TAS2R1: variants seen among roughly 807,000 people sequenced by gnomAD.
The protein encoded by TAS2R1 is taste receptor type 2 member 1.
For missense variants in TAS2R1, 370 were observed against 353.4 expected, an observed-to-expected ratio of 1.05 and a Z score of -0.38; for synonymous variants, 141 against 134.2, an observed-to-expected ratio of 1.05 and a Z score of -0.35.
intron 1 of TAS2R1, among the ~76,000 whole-genome samples, chr5:9,681,161 G>A (rs1740988194): frequency 6.6e-6 from 1 of 152,006 alleles, no homozygotes; most frequent in Non-Finnish European, 1.5e-5. Context: ...AGGACACTAG[G>A]TATAAATGAA....
the TAS2R1 span, among the ~76,000 whole-genome samples, chr5:9,762,090 T>C: frequency 1.3e-5 from 2 of 152,244 alleles, no homozygotes; most frequent in East Asian, 1.9e-4. Flanking sequence ...TCCTCTTTAT[T>C]ACAAGAACAT....
intron 2 of TAS2R1, among the ~76,000 whole-genome samples, chr5:9,656,830 A>C (rs985203897): frequency 3.9e-5 from 6 of 152,342 alleles, no homozygotes; most frequent in Admixed American, 3.9e-4. Context: ...TTCAGTCTTG[A>C]ACAATGTTTT....
chr5:9,655,219 T>C (rs1236743262), intron 2 of TAS2R1, among the ~76,000 whole-genome samples: 1 of 152,226 alleles, frequency 6.6e-6, no homozygotes, highest in Non-Finnish European at 1.5e-5. Flanking sequence ...GTTCTACATT[T>C]TGATTGTAAT....
At chr5:9,656,682 T>A (rs1359066948) in intron 2 of TAS2R1, among the ~76,000 whole-genome samples, 1 of 152,142 alleles carries the variant, frequency 6.6e-6, no homozygotes, top group African/African-American at 2.4e-5. Flanking sequence ...CACAGACACA[T>A]CCAGAAATAA....
At chr5:9,808,372 T>C in the TAS2R1 span, among the ~76,000 whole-genome samples, 2 of 151,854 alleles carry the variant, frequency 1.3e-5, no homozygotes, top group Non-Finnish European at 2.9e-5. Flanking sequence ...CTGAGCAAAG[T>C]GTTGAAAGAG....
At chr5:9,805,998 C>T in the TAS2R1 span, among the ~76,000 whole-genome samples, 18 of 152,174 alleles carry the variant, frequency 1.2e-4, no homozygotes, top group Admixed American at 1.1e-3. Flanking sequence ...CTAGAAAACT[C>T]TAAAGACTCA....
the TAS2R1 span, among the ~76,000 whole-genome samples, chr5:9,777,059 G>T: frequency 2.0e-5 from 3 of 152,126 alleles, no homozygotes; most frequent in Non-Finnish European, 4.4e-5. Flanking sequence ...GCTGGTGAAG[G>T]GTCTTGCTTC....
the TAS2R1 span, among the ~76,000 whole-genome samples, chr5:9,737,125 T>C: frequency 6.6e-6 from 1 of 152,212 alleles, no homozygotes; most frequent in Non-Finnish European, 1.5e-5. Context: ...ATTCTCCATA[T>C]GGATTGTGAA....
chr5:9,666,473 C>T (rs898166463), intron 1 of TAS2R1, among the ~76,000 whole-genome samples: 1 of 152,124 alleles, frequency 6.6e-6, no homozygotes, highest in South Asian at 2.1e-4. Flanking sequence ...GAACAAGGGG[C>T]TTCATCAATG....
chr5:9,769,216 A>G, the TAS2R1 span, among the ~76,000 whole-genome samples: 16 of 152,260 alleles, frequency 1.1e-4, no homozygotes, highest in Middle Eastern at 3.4e-3. Flanking sequence ...AATGACCTCT[A>G]GTTCCATTTA....
the TAS2R1 span, among the ~76,000 whole-genome samples, chr5:9,813,128 T>C: frequency 6.6e-6 from 1 of 152,126 alleles, no homozygotes; most frequent in East Asian, 1.9e-4. Flanking sequence ...CTAGTTTCTT[T>C]ATAAAAAGGG....
chr5:9,858,207 C>T, the TAS2R1 span, among the ~76,000 whole-genome samples: 2 of 152,112 alleles, frequency 1.3e-5, no homozygotes, highest in Non-Finnish European at 2.9e-5. Context: ...CCAGGCCGGA[C>T]TGGAGCCTGG....
At chr5:9,657,609 T>C (rs182573190) in intron 2 of TAS2R1, among the ~76,000 whole-genome samples, 28 of 152,278 alleles carry the variant, frequency 1.8e-4, no homozygotes, top group African/African-American at 6.3e-4. Flanking sequence ...TGCTACAACA[T>C]GGAGGACATT....
upstream of TAS2R1, among the ~76,000 whole-genome samples, chr5:9,633,170 C>T (rs1351268370): frequency 6.6e-6 from 1 of 150,996 alleles, no homozygotes; most frequent in Admixed American, 6.6e-5. Flanking sequence ...TCTTAGGTAA[C>T]TAGATGCATT....
intron 1 of TAS2R1, among the ~76,000 whole-genome samples, chr5:9,681,003 A>C (rs993928149): frequency 6.6e-6 from 1 of 152,212 alleles, no homozygotes; most frequent in Non-Finnish European, 1.5e-5. Flanking sequence ...CGGGGGCTGC[A>C]ATGAGCTGAG....
At chr5:9,847,633 G>C in the TAS2R1 span, among the ~76,000 whole-genome samples, 1 of 152,214 alleles carries the variant, frequency 6.6e-6, no homozygotes, top group African/African-American at 2.4e-5. Flanking sequence ...AAGCTTTGGA[G>C]CATCAACGAC....
the TAS2R1 span, among the ~76,000 whole-genome samples, chr5:9,893,673 C>A: frequency 4.6e-5 from 7 of 152,304 alleles, no homozygotes; most frequent in Admixed American, 1.3e-4. Flanking sequence ...CCCTATCCCC[C>A]CTCTCCCCTC....
chr5:9,889,546 T>C, the TAS2R1 span: 1 of 151,432 alleles, frequency 6.6e-6, no homozygotes. Flanking sequence ...ACAGCGGGGG[T>C]TTTTTGCTCA....
the TAS2R1 span, among the ~76,000 whole-genome samples, chr5:9,783,484 G>A: frequency 6.6e-6 from 1 of 152,270 alleles, no homozygotes. Flanking sequence ...CCTGGGAGCT[G>A]GGGTTCTACT....
Sources: allele counts gnomAD v4.1 joint callset (sites outside exome capture counted in the v4.1 genomes callset), GRCh38; gene constraint gnomAD v4.1.1; transcripts MANE v1.5; gene names NCBI Gene and HGNC (gene_info 2026-07-23, HGNC 2026-07-21).